RFWD3: variants seen among roughly 807,000 people sequenced by gnomAD.
RFWD3 encodes E3 ubiquitin-protein ligase RFWD3.
In RFWD3, 65 loss-of-function variants were observed where a neutral mutation model predicts 87.7. The observed-to-expected ratio is 0.74, with a 90% confidence interval of 0.61 to 0.91. The LOEUF (loss-of-function observed/expected upper bound fraction) is 0.91, where lower values mean the gene tolerates loss of function less well. Among genes scored for constraint, RFWD3 ranks in the 40% least tolerant of loss-of-function variants. The pLI, the probability that RFWD3 is intolerant of heterozygous loss-of-function variation, is 0.00. For synonymous variants in RFWD3, 433 were observed against 352.8 expected, an observed-to-expected ratio of 1.23 and a Z score of -2.55; for missense variants, 1,078 against 938.5, an observed-to-expected ratio of 1.15 and a Z score of -1.94.
intron 6 of RFWD3, among the ~76,000 whole-genome samples, chr16:74,642,811 C>A (rs754427373): frequency 6.6e-6 from 1 of 152,112 alleles, no homozygotes; most frequent in Non-Finnish European, 1.5e-5. Flanking sequence ...TTCAAAAAGG[C>A]TCAAAGCAAT....
At chr16:74,632,448 C>A in intron 9 of RFWD3, 75 bp downstream of exon 9, 2 of 1,509,018 alleles carry the variant, frequency 1.3e-6, no homozygotes, top group Non-Finnish European at 1.8e-6. Flanking sequence ...CTAAGGTCAT[C>A]ATAACACCGA....
At chr16:74,658,841 C>T (rs2144332341) in intron 2 of RFWD3, among the ~76,000 whole-genome samples, 1 of 151,342 alleles carries the variant, frequency 6.6e-6, no homozygotes, top group Admixed American at 6.6e-5. Context: ...GATCTTGGCT[C>T]ACTGCAAGCT....
Position 74,644,541 on chromosome 16 carries a change from C to A in RFWD3, c.987G>T (p.Gln329His). The change falls in exon 5 of 13, where the codon CAG (glutamine) becomes CAT (histidine). Residue 329 changes from glutamine (Q) to histidine (H), a missense_variant and splice_region_variant. Coordinates refer to ENST00000361070, the MANE Select transcript of RFWD3 (RefSeq NM_018124.4). ...ATGTGTCCTTACCTATGGTCCTTAC[C>A]TGGGGACATTTTCGTACTTGTCCTT... ...WLKGQVRKCP[Q>H]CNKKARHSDI... 6.2e-7 allele frequency: 1 copy of A among 1,614,174 alleles called. No homozygotes were observed. The highest frequency in any genetic ancestry group is 1.1e-5 in the South Asian group (1 of 91,082).
intron 1 of RFWD3, among the ~76,000 whole-genome samples, chr16:74,663,891 G>T (rs1158429124): frequency 6.6e-6 from 1 of 152,126 alleles, no homozygotes; most frequent in East Asian, 1.9e-4. Flanking sequence ...TTGAAAGATG[G>T]CGCTAAAAGA....
intron 6 of RFWD3, among the ~76,000 whole-genome samples, chr16:74,640,800 G>C (rs994262305): frequency 2.0e-5 from 3 of 152,062 alleles, no homozygotes; most frequent in Middle Eastern, 6.8e-3. Context: ...TTAGCCAGGC[G>C]TGGTGGCGGG....
chr16:74,644,675 C>A lies in RFWD3; in HGVS notation c.853G>T (p.Asp285Tyr). ...PSASMDEEEG[D>Y]TCTICLEQWT... ...TGTTCCAGACATATTGTACAAGTGT[C>A]CCCTTCTTCCTCATCCATAGAAGCA... The change falls in exon 5 of 13, where the codon GAC (aspartate) becomes TAC (tyrosine). Residue 285 changes from aspartate to tyrosine, a missense_variant. By Grantham distance (160) the Asp-to-Tyr change is radical (BLOSUM62 -3). Coordinates refer to ENST00000361070, the MANE Select transcript of RFWD3 (RefSeq NM_018124.4). 6.2e-7 allele frequency: 1 copy of A among 1,614,220 alleles called. No homozygotes were observed. Among genetic ancestry groups the A allele is most frequent in the Non-Finnish European group, 8.5e-7 (1 of 1,180,046 alleles).
chr16:74,658,953 G>A (rs1961214888), intron 2 of RFWD3, among the ~76,000 whole-genome samples: 1 of 152,002 alleles, frequency 6.6e-6, no homozygotes, highest in South Asian at 2.1e-4. Flanking sequence ...ATTTTTAGTA[G>A]AGATGGGGTT....
At position 74,630,906 on chromosome 16, in the gene RFWD3, C is replaced by G. The variant is rs776176666; in HGVS notation, c.1629G>C (p.Trp543Cys). 1 of 1,614,058 alleles carries G rather than the reference C, an allele frequency of 6.2e-7. No homozygotes were observed. Among genetic ancestry groups the G allele is most frequent in the Non-Finnish European group, 8.5e-7 (1 of 1,179,958 alleles). Residue 543 changes from tryptophan (W) to cysteine (C), a missense_variant, in exon 10 of 13, where the codon TGG becomes TGC. Transcript: ENST00000361070. ...CCTCATCAAGACACCAGCAACAGCT[C>G]CAGACAGGACGTCCAGCATTATAAG... ...VQTYNAGRPVWSCCWCLDEAN... is the reference protein window; with the variant it reads ...VQTYNAGRPVCSCCWCLDEAN...
intron 4 of RFWD3, 27 bp downstream of exon 4, chr16:74,649,104 GA>G (rs776630008): frequency 1.9e-5 from 27 of 1,452,836 alleles, no homozygotes; most frequent in Non-Finnish European, 1.9e-6. Flanking sequence ...TAAATAAATA[GA>G]TTTTTTTAAA....
At position 74,628,311 on chromosome 16, in the gene RFWD3, C is replaced by T. The variant is rs1958994197; in HGVS notation, c.1969+141G>A. 5 of 724,114 alleles carry T rather than the reference C, an allele frequency of 6.9e-6. No individual in the cohort carries two copies. In the South Asian group the frequency reaches 9.0e-5, roughly 13 times the overall value. The allele number at this position is 724,114 out of a possible 1,614,324, so 44.9% of individuals were successfully genotyped here. On this transcript the variant is annotated intron_variant, in intron 11 of 12. Coordinates refer to ENST00000361070, the MANE Select transcript of RFWD3 (RefSeq NM_018124.4). Reference sequence around the variant, plus strand: ...GGGGAGCTTGGAGCCACCATACTCCCTGTAGTAGCAAGAGCTACAACACAC... The same window carrying T: ...GGGGAGCTTGGAGCCACCATACTCCTTGTAGTAGCAAGAGCTACAACACAC...
Position 74,623,862 on chromosome 16 carries a change from G to T in RFWD3, c.*66C>A. 6.5e-7 allele frequency: 1 copy of T among 1,534,730 alleles called. No individual in the cohort carries two copies. Among genetic ancestry groups the T allele is most frequent in the Non-Finnish European group, 9.0e-7 (1 of 1,116,496 alleles). ...CAGACAATAAACAGGGATCTTGCTT[G>T]GGGCTGCTAGGCGCTAGCAAACAAC... On this transcript the variant is annotated 3_prime_UTR_variant, in exon 13 of 13. Transcript: ENST00000361070.
chr16:74,650,126 T>TA (rs1409415484), intron 3 of RFWD3, among the ~76,000 whole-genome samples: 1 of 152,208 alleles, frequency 6.6e-6, no homozygotes, highest in Non-Finnish European at 1.5e-5. Context: ...GGTTTACTGT[T>TA]ACATAAAACA....
chr16:74,659,680 T>C (rs568544253), intron 2 of RFWD3, among the ~76,000 whole-genome samples: 4 of 152,032 alleles, frequency 2.6e-5, no homozygotes, highest in African/African-American at 7.2e-5. Context: ...TGATGGGCAC[T>C]ACAGACACTG....
Position 74,626,348 on chromosome 16 carries a change from C to A in RFWD3, c.2176G>T (p.Ala726Ser). ...TAAAAAAGTAACAGGCTCACCAGGG[C>A]AGAATTTGCTGCTTCATCCCCAGTA... is the stretch of plus-strand genomic sequence containing the variant. ...VCTGDEAANS[A>S]LLWDAASGSL... Residue 726 changes from alanine (A) to serine (S), a missense_variant, in exon 12 of 13, where the codon GCC becomes TCC. Ala to Ser is a moderately conservative substitution (Grantham distance 99). Coordinates refer to ENST00000361070, the MANE Select transcript of RFWD3 (RefSeq NM_018124.4). The A allele has an allele frequency of 6.2e-7, 1 of 1,613,748 alleles. No individual in the cohort carries two copies. The highest frequency in any genetic ancestry group is 1.1e-5 in the South Asian group (1 of 91,076).
Position 74,660,939 on chromosome 16 carries a change from T to A in RFWD3, c.511A>T (p.Ser171Cys). 1 of 1,612,208 alleles carries A rather than the reference T, an allele frequency of 6.2e-7. No individual in the cohort carries two copies. The highest frequency in any genetic ancestry group is 1.1e-5 in the South Asian group (1 of 91,034). Residue 171 changes from serine (S) to cysteine (C), a missense_variant, in exon 2 of 13, where the codon AGT becomes TGT. Coordinates refer to ENST00000361070, the MANE Select transcript of RFWD3 (RefSeq NM_018124.4). ...ATCCATATATTTATTTACCTGGCAC[T>A]GTCTGTCCTCTGAGACCCTCCGGCT... Reference protein sequence around the residue: ...ARAGGSQRTDSARLRAPLDAY... With the variant: ...ARAGGSQRTDCARLRAPLDAY...
intron 6 of RFWD3, among the ~76,000 whole-genome samples, chr16:74,638,928 C>T (rs996900071): frequency 4.6e-5 from 7 of 152,066 alleles, no homozygotes; most frequent in African/African-American, 1.7e-4. Flanking sequence ...CTGTTGCTCC[C>T]AGGCTACAAA....
chr16:74,639,292 C>T (rs1018746789), intron 6 of RFWD3, among the ~76,000 whole-genome samples: 1 of 152,194 alleles, frequency 6.6e-6, no homozygotes, highest in African/African-American at 2.4e-5. Context: ...CCTGCCTCAG[C>T]CTCCCAAAGT....
chr16:74,651,964 C>A lies in RFWD3; in HGVS notation c.677G>T (p.Gly226Val), dbSNP rs1407490246. 1.2e-6 allele frequency: 2 copies of A among 1,613,996 alleles called. No homozygotes were observed. Among genetic ancestry groups the A allele is most frequent in the South Asian group, 1.1e-5 (1 of 91,072 alleles). ...AGATTCCTCTGCCTGGTCAACAACC[C>A]CTCCATACTCTGCAGAGCTGTCACT... ...SDSDSSAEYG[G>V]VVDQAEESGA... The change falls in exon 3 of 13, where the codon GGG (glycine) becomes GTG (valine). Residue 226 changes from glycine (G) to valine (V), a missense_variant. Transcript: ENST00000361070.
At chr16:74,653,650 TA>T (rs925812813) in intron 2 of RFWD3, among the ~76,000 whole-genome samples, 3 of 151,614 alleles carry the variant, frequency 2.0e-5, no homozygotes, top group South Asian at 2.1e-4. Context: ...CCATCTCTAT[TA>T]AAAAAAAATT....
Sources: gnomAD v4.1 joint callset for allele counts (sites outside exome capture counted in the v4.1 genomes callset) on GRCh38, gnomAD v4.1.1 for gene constraint, MANE v1.5 for transcripts, NCBI Gene and HGNC (gene_info 2026-07-23, HGNC 2026-07-21) for gene names.